The following GMEB2 variants were observed in gnomAD, a reference collection of about 807,000 sequenced individuals.
GMEB2 encodes glucocorticoid modulatory element binding protein 2, also known as glucocorticoid modulatory element-binding protein 2.
GMEB2 carries 7 observed loss-of-function variants against 45.7 expected under a neutral mutation model. The ratio of observed to expected loss-of-function variants is 0.15; its 90% confidence interval spans 0.09 to 0.29. GMEB2 has a LOEUF of 0.29. Among genes scored for constraint, GMEB2 ranks in the 10% least tolerant of loss-of-function variants. The pLI is 1.00. For synonymous variants in GMEB2, 322 were observed against 323.6 expected (o/e 1.00, Z 0.05); for missense variants, 582 against 739.2 (o/e 0.79, Z 2.47).
intron 2 of GMEB2, among the ~76,000 whole-genome samples, chr20:63,610,953 C>G (rs1201086165): frequency 1.3e-5 from 2 of 152,198 alleles, no homozygotes; most frequent in African/African-American, 4.8e-5. Flanking sequence ...AGATGAGGAC[C>G]ACATGCAGAG....
chr20:63,603,281 A>C (rs1308858960), intron 3 of GMEB2, among the ~76,000 whole-genome samples, 189 bp from the exon 4 acceptor site: 2 of 152,212 alleles, frequency 1.3e-5, no homozygotes, highest in Non-Finnish European at 2.9e-5. Context: ...TCAGGGTTAA[A>C]CCCACTAAAC....
At chr20:63,604,563 C>T (rs2089503584) in intron 3 of GMEB2, among the ~76,000 whole-genome samples, 180 bp downstream of exon 3, 1 of 152,228 alleles carries the variant, frequency 6.6e-6, no homozygotes, top group East Asian at 1.9e-4. Context: ...ATTACAGACA[C>T]ATGGCAGGTT....
At chr20:63,616,683 C>T (rs1200132638) in intron 2 of GMEB2, among the ~76,000 whole-genome samples, 2 of 152,158 alleles carry the variant, frequency 1.3e-5, no homozygotes, top group Admixed American at 1.3e-4. Flanking sequence ...ACTACCTCTG[C>T]CAGCAGGAAT....
chr20:63,598,269 A>G (rs1481296534), intron 4 of GMEB2, among the ~76,000 whole-genome samples: 1 of 151,914 alleles, frequency 6.6e-6, no homozygotes, highest in Non-Finnish European at 1.5e-5. Flanking sequence ...TGGAGCTGTG[A>G]ACGCCACCTT....
chr20:63,601,932 TGCCTGTGGCTTCTGTGGG>T (rs1300669855), intron 4 of GMEB2, among the ~76,000 whole-genome samples: 12 of 139,826 alleles, frequency 8.6e-5, no homozygotes, highest in African/African-American at 8.2e-5. Context: ...GCTTCTGTGC[TGCCTGTGGCTTCTGTGGG>T]GCCTGTGGCT....
intron 2 of GMEB2, among the ~76,000 whole-genome samples, chr20:63,617,485 C>G (rs146688071): frequency 1.5e-4 from 23 of 152,278 alleles, no homozygotes; most frequent in African/African-American, 5.3e-4. Context: ...TACGGCAGCC[C>G]GAGCAGACTA....
intron 1 of GMEB2, among the ~76,000 whole-genome samples, chr20:63,622,391 C>G (rs1355077209): frequency 1.3e-5 from 2 of 152,162 alleles, no homozygotes; most frequent in Non-Finnish European, 2.9e-5. Context: ...ACTAACTCAC[C>G]CAAACTGAAC....
chr20:63,595,305 G>A (rs1425835800), intron 6 of GMEB2, among the ~76,000 whole-genome samples: 1 of 151,674 alleles, frequency 6.6e-6, no homozygotes, highest in African/African-American at 2.4e-5. Flanking sequence ...GGCCGGGTGG[G>A]CGCCCAGGCA....
chr20:63,604,397 T>A (rs1344465483), intron 3 of GMEB2, among the ~76,000 whole-genome samples: 2 of 152,090 alleles, frequency 1.3e-5, no homozygotes, highest in East Asian at 1.9e-4. Context: ...AACCTTCTTT[T>A]ACTACCATTC....
In GMEB2 at chr20:63,589,416, C is replaced by G. The variant is rs2083123131; in HGVS notation, c.*673G>C. The G allele has an allele frequency of 2.6e-6, 1 of 379,056 alleles. No homozygotes were observed. Among genetic ancestry groups the G allele is most frequent in the Non-Finnish European group, 4.7e-6 (1 of 213,918 alleles). 23.5% of individuals were successfully genotyped at this position (379,056 alleles called of 1,614,324 possible). A position where few individuals can be genotyped will look rare whatever the true frequency, so the allele number is the denominator to read the frequency against. On this transcript the variant is annotated 3_prime_UTR_variant, in exon 10 of 10. Transcript: ENST00000370077. Reference sequence around the variant, plus strand: ...CACCCTCAGTACATGTGCAACAATGCCTGGACCACGCCTCGTCTGTGCGGC... The same window carrying G: ...CACCCTCAGTACATGTGCAACAATGGCTGGACCACGCCTCGTCTGTGCGGC...
chr20:63,623,569 C>A (rs1362180627), intron 1 of GMEB2, among the ~76,000 whole-genome samples: 1 of 151,804 alleles, frequency 6.6e-6, no homozygotes, highest in Non-Finnish European at 1.5e-5. Flanking sequence ...GAGGCCGCGG[C>A]GGGTGGATCA....
Position 63,624,751 on chromosome 20 carries a change from A to T in GMEB2, c.-58+2205T>A, listed in dbSNP as rs553420844. ...GAGACGGAGTCTCGCTCTGTAGCCC[A>T]GGTTGGACTGCAGTGGCCCGATCTC... On this transcript the variant is annotated intron_variant, in intron 1 of 9. Transcript: ENST00000370077. Among the ~76,000 whole-genome samples, 235 of 152,354 alleles carry T rather than the reference A, an allele frequency of 1.5e-3. 1 individual carries two copies. Among genetic ancestry groups the T allele is most frequent in the Middle Eastern group, 0.014 (4 of 294 alleles).
At position 63,592,785 on chromosome 20, in the gene GMEB2, G is replaced by A. The variant is rs933956690; in HGVS notation, c.692-115C>T. ...AGGACACCATGCCAGAGCCGGCAGC[G>A]CCTGGCACTGTGCTGGGCTTGCACT... On this transcript the variant is annotated intron_variant, in intron 7 of 9. Transcript: ENST00000370077. This position sits in a 1 kb window ranked among gnomAD's most constrained non-coding sequence, Gnocchi z 8.2. 1.6e-5 allele frequency: 15 copies of A among 914,834 alleles called. No individual in the cohort carries two copies. The highest frequency in any genetic ancestry group is 6.6e-5 in the African/African-American group (4 of 61,024). 56.7% of individuals were successfully genotyped at this position (914,834 alleles called of 1,614,324 possible). A position where few individuals can be genotyped will look rare whatever the true frequency, so the allele number is the denominator to read the frequency against.
intron 4 of GMEB2, among the ~76,000 whole-genome samples, chr20:63,601,458 C>T (rs539087116): frequency 6.6e-6 from 1 of 152,200 alleles, no homozygotes; most frequent in African/African-American, 2.4e-5. Context: ...GAAGACCTAT[C>T]CACTAAGTGT....
chr20:63,599,115 G>A (rs913531323), intron 4 of GMEB2, among the ~76,000 whole-genome samples: 5 of 152,316 alleles, frequency 3.3e-5, no homozygotes, highest in African/African-American at 7.2e-5. Flanking sequence ...CAGAGCTAAC[G>A]CGGCCACTCC....
At chr20:63,600,717 C>CAAAAAA (rs34633546) in intron 4 of GMEB2, among the ~76,000 whole-genome samples, 1 of 84,624 alleles carries the variant, frequency 1.2e-5, no homozygotes, top group African/African-American at 4.8e-5. Context: ...GACTCCATCT[C>CAAAAAA]AAAAAAAAAA....
Position 63,589,303 on chromosome 20 carries a change from G to T in GMEB2, c.*786C>A. On this transcript the variant is annotated 3_prime_UTR_variant, in exon 10 of 10. Transcript: ENST00000370077. ...CAGGGGCCACCCAAAGAGCTAACTCGGGAAGCCTAGGCACTCACCATTATT... is the reference window on the plus strand; with the variant it reads ...CAGGGGCCACCCAAAGAGCTAACTCTGGAAGCCTAGGCACTCACCATTATT... 1 of 398,350 alleles carries T rather than the reference G, an allele frequency of 2.5e-6. No individual in the cohort carries two copies. Among genetic ancestry groups the T allele is most frequent in the Non-Finnish European group, 4.4e-6 (1 of 226,072 alleles). The allele number at this position is 398,350 out of a possible 1,614,324, so 24.7% of individuals were successfully genotyped here.
intron 1 of GMEB2, among the ~76,000 whole-genome samples, chr20:63,623,534 C>T (rs2089652030): frequency 6.6e-6 from 1 of 151,082 alleles, no homozygotes; most frequent in Admixed American, 6.6e-5. Flanking sequence ...CGCGGTGGCT[C>T]ACACTTGTAA....
Position 63,590,359 on chromosome 20 carries a change from G to A in GMEB2, c.1323C>T (p.Tyr441=), listed in dbSNP as rs2083134478. The A allele has an allele frequency of 5.0e-6, 8 of 1,608,544 alleles. No homozygotes were observed. The highest frequency in any genetic ancestry group is 1.1e-5 in the South Asian group (1 of 90,940). Reference sequence around the variant, plus strand: ...CCGGGTGGATCTCCACTGTGCTGGGGTAGGTGGAGCCGGAAGAGGCCAAGA... The same window carrying A: ...CCGGGTGGATCTCCACTGTGCTGGGATAGGTGGAGCCGGAAGAGGCCAAGA... ...YTVLASSGST[Y]PSTVEIHPDA... Residue 441 remains tyrosine (Y), a synonymous_variant, in exon 10 of 10, where the codon TAC becomes TAT. Coordinates refer to ENST00000370077, the MANE Select transcript of GMEB2 (RefSeq NM_012384.5).
Sources: gnomAD v4.1 joint callset for allele counts (sites outside exome capture counted in the v4.1 genomes callset) on GRCh38, gnomAD v4.1.1 for gene constraint, Gnocchi (gnomAD v3.1) non-coding constraint, MANE v1.5 for transcripts, NCBI Gene and HGNC (gene_info 2026-07-23, HGNC 2026-07-21) for gene names.